Variants in CSMD1 observed in about 807,000 individuals in gnomAD.
CSMD1 encodes CUB and Sushi multiple domains 1.
In CSMD1, 213 loss-of-function variants were observed where a neutral mutation model predicts 417.5. The ratio of observed to expected loss-of-function variants is 0.51; its 90% CI spans 0.46 to 0.57. The LOEUF (loss-of-function observed/expected upper bound fraction) is 0.57. Among genes scored for constraint, CSMD1 ranks in the 20% least tolerant of loss-of-function variants. The pLI is 0.00. For synonymous variants in CSMD1, 2,862 were observed against 1,736.8 expected (o/e 1.65, Z -16.11); for missense variants, 6,923 against 4,529.7 (o/e 1.53, Z -15.17).
chr8:4,562,698 A>G (rs1307963733), intron 2 of CSMD1, among the ~76,000 whole-genome samples: 1 of 152,144 alleles, frequency 6.6e-6, no homozygotes, highest in Non-Finnish European at 1.5e-5. Flanking sequence ...TCAGGCCCAG[A>G]ACACCATCAG....
intron 4 of CSMD1, among the ~76,000 whole-genome samples, chr8:4,012,130 T>A (rs539111359): frequency 8.5e-5 from 13 of 152,130 alleles, no homozygotes; most frequent in Non-Finnish European, 1.6e-4. Context: ...AAAATATATA[T>A]ATATTTTTCA....
At chr8:3,408,500 G>A (rs1435065904) in intron 13 of CSMD1, among the ~76,000 whole-genome samples, 5 of 147,304 alleles carry the variant, frequency 3.4e-5, no homozygotes, top group Admixed American at 6.7e-5. Context: ...GACTGAAAAC[G>A]TGTGCCAAAT....
chr8:3,708,752 A>C (rs564228161), intron 6 of CSMD1, among the ~76,000 whole-genome samples: 1 of 152,188 alleles, frequency 6.6e-6, no homozygotes, highest in South Asian at 2.1e-4. Flanking sequence ...GACTTTACAC[A>C]TCCAATCCTA....
At chr8:4,095,865 G>C (rs1184638809) in intron 3 of CSMD1, among the ~76,000 whole-genome samples, 2 of 151,824 alleles carry the variant, frequency 1.3e-5, no homozygotes, top group Non-Finnish European at 2.9e-5. Context: ...AGTGTTGAAA[G>C]CTAAACTATC....
chr8:4,176,553 C>T (rs575906620), intron 3 of CSMD1, among the ~76,000 whole-genome samples: 5 of 152,062 alleles, frequency 3.3e-5, no homozygotes, highest in Admixed American at 1.3e-4. Context: ...TACTAATATA[C>T]CCCATTTTGG....
chr8:3,883,112 G>A (rs768586850), intron 5 of CSMD1, among the ~76,000 whole-genome samples: 1 of 152,152 alleles, frequency 6.6e-6, no homozygotes, highest in African/African-American at 2.4e-5. Context: ...AATCCTTAGT[G>A]TAAATAACAA....
chr8:4,750,209 G>T (rs60208878), intron 1 of CSMD1, among the ~76,000 whole-genome samples: 3 of 151,806 alleles, frequency 2.0e-5, no homozygotes, highest in South Asian at 2.1e-4. Flanking sequence ...GGGTTTCACC[G>T]TGTTAGCCAC....
At chr8:3,745,535 A>G (rs1204405243) in intron 6 of CSMD1, among the ~76,000 whole-genome samples, 1 of 152,058 alleles carries the variant, frequency 6.6e-6, no homozygotes, top group Non-Finnish European at 1.5e-5. Flanking sequence ...AATCATCACA[A>G]TTTTCAGTGG....
At chr8:3,743,289 G>A (rs961390039) in intron 6 of CSMD1, among the ~76,000 whole-genome samples, 2 of 152,186 alleles carry the variant, frequency 1.3e-5, no homozygotes, top group Non-Finnish European at 2.9e-5. Context: ...AGCGAATTCT[G>A]CCTCTCTGGA....
chr8:4,446,833 G>T (rs543610955), intron 2 of CSMD1, among the ~76,000 whole-genome samples: 1 of 150,822 alleles, frequency 6.6e-6, no homozygotes, highest in African/African-American at 2.4e-5. Context: ...ATCTTGGCCA[G>T]ACTGGTCTTG....
chr8:4,205,326 A>G (rs1164158160), intron 3 of CSMD1, among the ~76,000 whole-genome samples: 1 of 152,232 alleles, frequency 6.6e-6, no homozygotes, highest in African/African-American at 2.4e-5. Context: ...CAGATATTCT[A>G]AAATAAGTAT....
chr8:3,868,469 G>C (rs1044819230), intron 5 of CSMD1, among the ~76,000 whole-genome samples: 2 of 152,090 alleles, frequency 1.3e-5, no homozygotes, highest in Admixed American at 1.3e-4. Context: ...TCAGCCAAAA[G>C]GAAGGGGCTC....
At chr8:3,196,970 C>T (rs551230410) in intron 33 of CSMD1, among the ~76,000 whole-genome samples, 3 of 152,198 alleles carry the variant, frequency 2.0e-5, no homozygotes, top group Non-Finnish European at 2.9e-5. Flanking sequence ...TTCTCTGGGG[C>T]ACCCCATGAT....
At chr8:3,235,227 G>A (rs1166825856) in intron 26 of CSMD1, among the ~76,000 whole-genome samples, 1 of 152,132 alleles carries the variant, frequency 6.6e-6, no homozygotes, top group African/African-American at 2.4e-5. Context: ...AGTTTAGGAG[G>A]TGAGCCAAGG....
chr8:4,498,714 C>G (rs1019576366), intron 2 of CSMD1, among the ~76,000 whole-genome samples: 2 of 152,100 alleles, frequency 1.3e-5, no homozygotes, highest in African/African-American at 2.4e-5. Flanking sequence ...GTTAGCTAAG[C>G]CCTCTGAATG....
intron 6 of CSMD1, among the ~76,000 whole-genome samples, chr8:3,720,539 TGGG>T (rs1802093611): frequency 6.6e-6 from 1 of 151,906 alleles, no homozygotes; most frequent in Admixed American, 6.6e-5. Context: ...GTCTCAACAC[TGGG>T]GGCTAACCTT....
At position 3,699,344 on chromosome 8, in the gene CSMD1, T is replaced by G. The variant is rs1366468598; in HGVS notation, c.1009+9070A>C. Among the ~76,000 whole-genome samples, 3 of 152,362 alleles carry G rather than the reference T, an allele frequency of 2.0e-5. No homozygotes were observed. The East Asian group carries it at 5.8e-4, about 29-fold the overall frequency. ...TGATTCTGAAACTAGTGTGTTTTAC[T>G]GACATGGATGAATTATTTAATTATT... is the stretch of plus-strand genomic sequence containing the variant. On this transcript the variant is annotated intron_variant, in intron 7 of 69. Transcript: ENST00000635120.
intron 3 of CSMD1, among the ~76,000 whole-genome samples, chr8:4,293,089 A>G (rs1343331369): frequency 6.6e-6 from 1 of 152,168 alleles, no homozygotes; most frequent in Non-Finnish European, 1.5e-5. Flanking sequence ...TGCACTGCAC[A>G]TGCGGAAACA....
At chr8:4,691,539 T>C (rs1806770760) in intron 1 of CSMD1, among the ~76,000 whole-genome samples, 1 of 152,232 alleles carries the variant, frequency 6.6e-6, no homozygotes, top group Admixed American at 6.5e-5. Flanking sequence ...AAAAGGGTTC[T>C]ATAGAGCAAA....
Sources: allele counts gnomAD v4.1 joint callset (sites outside exome capture counted in the v4.1 genomes callset), GRCh38; gene constraint gnomAD v4.1.1; transcripts MANE v1.5; gene names NCBI Gene and HGNC (gene_info 2026-07-23, HGNC 2026-07-21).